Variants in WDR27 observed in about 807,000 individuals in gnomAD.
WDR27 encodes WD repeat-containing protein 27.
Under a neutral mutation model 114.4 loss-of-function variants are expected in WDR27, and 100 were observed. The observed-to-expected ratio is 0.87, with a 90% CI of 0.74 to 1.03. WDR27 has a LOEUF of 1.03. WDR27 is among the 50% of genes least tolerant of loss of function. The probability of loss-of-function intolerance (pLI) is 0.00; values close to 1 mark genes in which losing one functional copy is unlikely to be tolerated. For synonymous variants in WDR27, 449 were observed against 423.1 expected (o/e 1.06, Z -0.75); for missense variants, 1,129 against 1,092.9 (o/e 1.03, Z -0.47).
At chr6:169,473,378 T>C (rs1786686107) in intron 25 of WDR27, among the ~76,000 whole-genome samples, 1 of 152,186 alleles carries the variant, frequency 6.6e-6, no homozygotes, top group Non-Finnish European at 1.5e-5. Context: ...TTGAGCTTTA[T>C]TTTATGGAAA....
chr6:169,551,045 T>C (rs1168156400), intron 25 of WDR27, among the ~76,000 whole-genome samples: 1 of 152,020 alleles, frequency 6.6e-6, no homozygotes, highest in African/African-American at 2.4e-5. Context: ...TGGGCATAGA[T>C]TAAAATAAAT....
chr6:169,605,108 C>CAA (rs59884264), intron 22 of WDR27, among the ~76,000 whole-genome samples: 1,511 of 75,850 alleles, frequency 0.02, 73 homozygotes, highest in African/African-American at 0.059. Flanking sequence ...AGCAATTAGG[C>CAA]AAAAAAAAAA....
intron 23 of WDR27, among the ~76,000 whole-genome samples, chr6:169,590,888 G>A (rs1805620401): frequency 6.6e-6 from 1 of 152,176 alleles, no homozygotes; most frequent in East Asian, 1.9e-4. Context: ...ATTCCCCTGA[G>A]ACGGACATTT....
At chr6:169,476,970 A>T (rs1289886035) in intron 25 of WDR27, among the ~76,000 whole-genome samples, 1 of 152,220 alleles carries the variant, frequency 6.6e-6, no homozygotes, top group African/African-American at 2.4e-5. Flanking sequence ...GGAGTTGTAA[A>T]AGTGACATTT....
At chr6:169,604,591 T>A (rs1218558218) in intron 22 of WDR27, among the ~76,000 whole-genome samples, 2 of 152,148 alleles carry the variant, frequency 1.3e-5, no homozygotes, top group African/African-American at 2.4e-5. Flanking sequence ...GCTCCCTAAT[T>A]CATTCTATGT....
chr6:169,490,974 A>G (rs1055963341), intron 25 of WDR27, among the ~76,000 whole-genome samples: 1 of 152,168 alleles, frequency 6.6e-6, no homozygotes, highest in South Asian at 2.1e-4. Context: ...CCATCCGTAC[A>G]CCACTCATCA....
intron 3 of WDR27, 84 bp from the exon 4 acceptor site, chr6:169,670,777 C>T (rs1778517740): frequency 2.0e-6 from 3 of 1,502,610 alleles, no homozygotes; most frequent in Non-Finnish European, 1.8e-6. Flanking sequence ...AGAATGTAAC[C>T]CTCTATTCTA....
chr6:169,504,839 T>C (rs1267721820), intron 25 of WDR27, among the ~76,000 whole-genome samples: 1 of 152,188 alleles, frequency 6.6e-6, no homozygotes, highest in African/African-American at 2.4e-5. Flanking sequence ...CCTCAAGCAA[T>C]TCTGCCACCT....
chr6:169,617,914 A>G (rs945162889), intron 21 of WDR27, among the ~76,000 whole-genome samples: 1 of 152,176 alleles, frequency 6.6e-6, no homozygotes, highest in Non-Finnish European at 1.5e-5. Flanking sequence ...TAGAAAAGAA[A>G]ATGATTTGGG....
At chr6:169,465,997 A>G (rs747642876) in intron 25 of WDR27, among the ~76,000 whole-genome samples, 10 of 152,218 alleles carry the variant, frequency 6.6e-5, no homozygotes, top group Non-Finnish European at 1.3e-4. Context: ...TATAGACTTA[A>G]GAATGGTTAA....
At chr6:169,625,191 G>A (rs1473004519) in intron 21 of WDR27, among the ~76,000 whole-genome samples, 1 of 152,256 alleles carries the variant, frequency 6.6e-6, no homozygotes, top group African/African-American at 2.4e-5. Context: ...TCCAACGGTT[G>A]TAACTCAAAC....
chr6:169,643,872 C>G, intron 16 of WDR27, 86 bp from the exon 17 acceptor site: 1 of 1,044,806 alleles, frequency 9.6e-7, no homozygotes, highest in East Asian at 2.6e-5. Context: ...TCACAGGAGT[C>G]ACACTGTAGA....
intron 24 of WDR27, among the ~76,000 whole-genome samples, chr6:169,577,434 G>A (rs1362723061): frequency 2.0e-5 from 3 of 150,510 alleles, no homozygotes; most frequent in African/African-American, 7.3e-5. Context: ...GGCTGCGTCG[G>A]GGGCCTGGAG....
chr6:169,441,253 G>C, the WDR27 span, among the ~76,000 whole-genome samples: 1 of 152,000 alleles, frequency 6.6e-6, no homozygotes, highest in East Asian at 1.9e-4. Flanking sequence ...TACTTCCCCC[G>C]ATGGGGGACC....
At chr6:169,485,573 G>C (rs1788775890) in intron 25 of WDR27, among the ~76,000 whole-genome samples, 1 of 152,202 alleles carries the variant, frequency 6.6e-6, no homozygotes, top group African/African-American at 2.4e-5. Context: ...GTATAAGTTA[G>C]TTCAACCATT....
At chr6:169,468,672 G>A (rs1467326596) in intron 25 of WDR27, among the ~76,000 whole-genome samples, 3 of 152,164 alleles carry the variant, frequency 2.0e-5, no homozygotes, top group Non-Finnish European at 4.4e-5. Context: ...TATTAACTTG[G>A]CGGGGCAGGA....
chr6:169,616,932 T>C (rs1446159613), intron 21 of WDR27, among the ~76,000 whole-genome samples: 3 of 152,158 alleles, frequency 2.0e-5, no homozygotes, highest in African/African-American at 7.2e-5. Flanking sequence ...TATTTAGTGC[T>C]GGAAGATAAT....
chr6:169,560,082 A>G (rs769325883), intron 25 of WDR27, among the ~76,000 whole-genome samples: 53 of 152,100 alleles, frequency 3.5e-4, no homozygotes, highest in South Asian at 8.3e-4. Flanking sequence ...CCCCACCCAA[A>G]TCTCCACTTG....
intron 25 of WDR27, among the ~76,000 whole-genome samples, chr6:169,488,940 T>TA (rs1184824774): frequency 3.1e-5 from 4 of 128,570 alleles, no homozygotes; most frequent in African/African-American, 1.1e-4. Flanking sequence ...GCACATTTGA[T>TA]GCCCCCTTTT....
Sources: gnomAD v4.1 joint callset for allele counts (sites outside exome capture counted in the v4.1 genomes callset) on GRCh38, gnomAD v4.1.1 for gene constraint, MANE v1.5 for transcripts, NCBI Gene and HGNC (gene_info 2026-07-23, HGNC 2026-07-21) for gene names.